Variants in NOL4 observed in about 807,000 individuals in gnomAD.
The protein encoded by NOL4 is cancer/testis antigen 125.
NOL4 carries 17 observed loss-of-function variants against 75.9 expected under a neutral mutation model. That is an observed-to-expected ratio of 0.22 (90% CI 0.15 to 0.34). The LOEUF is 0.34. Ranked by LOEUF, NOL4 falls within the 10% of genes least tolerant of loss-of-function variation. NOL4 has a pLI of 1.00. For missense variants in NOL4, 614 were observed against 793.5 expected (o/e 0.77, Z 2.72); for synonymous variants, 292 against 289.9 (o/e 1.01, Z -0.07).
At chr18:34,182,712 T>A (rs1200103948) in intron 1 of NOL4, among the ~76,000 whole-genome samples, 1 of 151,398 alleles carries the variant, frequency 6.6e-6, no homozygotes, top group Non-Finnish European at 1.5e-5. Flanking sequence ...AGAATAAGGA[T>A]TTTTTTTAAA....
chr18:33,886,971 A>T (rs1317318066), intron 9 of NOL4, among the ~76,000 whole-genome samples: 1 of 139,734 alleles, frequency 7.2e-6, no homozygotes, highest in African/African-American at 2.6e-5. Flanking sequence ...AGATATATCT[A>T]TATACATATA....
chr18:34,005,712 C>T (rs116349617), intron 6 of NOL4, among the ~76,000 whole-genome samples: 1,773 of 152,142 alleles, frequency 0.012, 32 homozygotes, highest in African/African-American at 0.04. Context: ...ACACTCATTG[C>T]ATCACTGTAA....
intron 1 of NOL4, among the ~76,000 whole-genome samples, chr18:34,183,313 AT>A (rs745897486): frequency 3.9e-5 from 6 of 151,902 alleles, no homozygotes; most frequent in African/African-American, 7.2e-5. Context: ...AGCCCTATTC[AT>A]GAGAAAATGC....
At chr18:34,135,325 G>T (rs1362546800) in intron 1 of NOL4, among the ~76,000 whole-genome samples, 2 of 152,022 alleles carry the variant, frequency 1.3e-5, no homozygotes, top group Non-Finnish European at 2.9e-5. Context: ...ACAATTCCTA[G>T]AAAGACTTAA....
intron 6 of NOL4, among the ~76,000 whole-genome samples, chr18:33,980,715 A>C (rs139525723): frequency 1.6e-3 from 248 of 152,132 alleles, no homozygotes; most frequent in African/African-American, 5.6e-3. Flanking sequence ...CCCTCCCATG[A>C]AACATCTTAC....
intron 1 of NOL4, among the ~76,000 whole-genome samples, chr18:34,169,571 G>C (rs1306403926): frequency 6.6e-6 from 1 of 151,076 alleles, no homozygotes; most frequent in East Asian, 1.9e-4. Flanking sequence ...TAAAAGGCAA[G>C]CTCCAAATAT....
intron 1 of NOL4, chr18:34,221,344 C>A (rs2037286684): frequency 6.6e-6 from 1 of 152,176 alleles, no homozygotes; most frequent in Non-Finnish European, 1.5e-5. Context: ...GTTTTGAATT[C>A]TAACAATAAA....
intron 5 of NOL4, among the ~76,000 whole-genome samples, chr18:34,044,364 T>A (rs11081838): frequency 1 from 152,060 of 152,116 alleles, 76,002 homozygotes; most frequent in Middle Eastern, 1. Context: ...AGCTGAATAT[T>A]TACTTTTTTC....
intron 1 of NOL4, among the ~76,000 whole-genome samples, chr18:34,133,185 T>C (rs112886636): frequency 8.1e-4 from 121 of 149,082 alleles, no homozygotes; most frequent in African/African-American, 2.9e-3. Context: ...GGCAGGAGAA[T>C]AGCTTGAACC....
intron 10 of NOL4, among the ~76,000 whole-genome samples, chr18:33,882,496 C>T (rs2064353284): frequency 6.6e-6 from 1 of 151,970 alleles, no homozygotes; most frequent in African/African-American, 2.4e-5. Flanking sequence ...CAAATCACAA[C>T]CACAATGAGA....
chr18:33,880,325 G>T (rs1196618928), intron 10 of NOL4, among the ~76,000 whole-genome samples: 2 of 151,738 alleles, frequency 1.3e-5, no homozygotes, highest in Admixed American at 6.6e-5. Context: ...GTGTGTGTGT[G>T]TGTGTGTGTG....
intron 5 of NOL4, among the ~76,000 whole-genome samples, chr18:34,056,529 C>G (rs1341814245): frequency 2.6e-5 from 4 of 152,116 alleles, no homozygotes; most frequent in Non-Finnish European, 5.9e-5. Flanking sequence ...TCAGTGGTTT[C>G]CAAACTCTGC....
intron 1 of NOL4, among the ~76,000 whole-genome samples, chr18:34,148,253 T>G (rs2081493557): frequency 6.6e-6 from 1 of 152,106 alleles, no homozygotes; most frequent in Admixed American, 6.6e-5. Flanking sequence ...TGTCTTCTGC[T>G]AGCTTTTGAA....
chr18:33,902,850 T>A lies in NOL4; in HGVS notation c.1543-19426A>T, dbSNP rs1232629601. ...GTTATATTTATAGGTTTTTAATTAC[T>A]TGGGCAAACTGAAATTTAAAAGGCT... On this transcript the variant is annotated intron_variant, in intron 9 of 10. Transcript: ENST00000261592. Among the ~76,000 whole-genome samples, 2 of 152,190 alleles carry A rather than the reference T, an allele frequency of 1.3e-5. 1 individual carries two copies. Among genetic ancestry groups the A allele is most frequent in the South Asian group, 4.1e-4 (2 of 4,838 alleles).
intron 8 of NOL4, among the ~76,000 whole-genome samples, chr18:33,956,851 T>C (rs907927436): frequency 2.0e-5 from 3 of 150,490 alleles, no homozygotes; most frequent in Non-Finnish European, 4.4e-5. Flanking sequence ...TTTCAAGGAC[T>C]GCAATTTGTT....
At chr18:34,152,489 C>T (rs1280979869) in intron 1 of NOL4, among the ~76,000 whole-genome samples, 1 of 151,884 alleles carries the variant, frequency 6.6e-6, no homozygotes, top group Non-Finnish European at 1.5e-5. Flanking sequence ...TTAAGAAACA[C>T]AGTGAATCCT....
At chr18:34,210,389 T>C (rs2036433960) in intron 1 of NOL4, among the ~76,000 whole-genome samples, 1 of 152,244 alleles carries the variant, frequency 6.6e-6, no homozygotes. Context: ...TGAGTCTTTG[T>C]AATGCACTGA....
chr18:33,860,806 C>T (rs2063084405), intron 10 of NOL4, among the ~76,000 whole-genome samples: 1 of 151,882 alleles, frequency 6.6e-6, no homozygotes, highest in Non-Finnish European at 1.5e-5. Context: ...GAGATACGTC[C>T]CATCAATACC....
intron 1 of NOL4, among the ~76,000 whole-genome samples, chr18:34,148,494 GT>G (rs2081505518): frequency 6.6e-6 from 1 of 152,066 alleles, no homozygotes; most frequent in African/African-American, 2.4e-5. Flanking sequence ...TCAGTAGCAG[GT>G]TGTTCAGTTT....
Sources: gnomAD v4.1 joint callset for allele counts (sites outside exome capture counted in the v4.1 genomes callset) on GRCh38, gnomAD v4.1.1 for gene constraint, MANE v1.5 for transcripts, NCBI Gene and HGNC (gene_info 2026-07-23, HGNC 2026-07-21) for gene names.